Variants in DOCK1 observed in about 807,000 individuals in gnomAD.
The protein encoded by DOCK1 is dedicator of cytokinesis protein 1.
Under a neutral mutation model 262.7 loss-of-function variants are expected in DOCK1, and 138 were observed. The observed-to-expected ratio is 0.53, with a 90% confidence interval of 0.46 to 0.61. The LOEUF (loss-of-function observed/expected upper bound fraction) is 0.61. Ranked by LOEUF, DOCK1 falls within the 20% of genes least tolerant of loss-of-function variation. The pLI, the probability that DOCK1 is intolerant of heterozygous loss-of-function variation, is 0.00. For synonymous variants in DOCK1, 866 were observed against 867.4 expected (o/e 1.00, Z 0.03); for missense variants, 1,908 against 2,370.7 (o/e 0.80, Z 4.05).
At chr10:126,944,732 C>T (rs1051336639) in intron 1 of DOCK1, among the ~76,000 whole-genome samples, 7 of 151,858 alleles carry the variant, frequency 4.6e-5, no homozygotes, top group South Asian at 2.1e-4. Context: ...TGGGCAATGT[C>T]GCCACAGAGA....
At chr10:126,961,046 C>T (rs1046680531) in intron 1 of DOCK1, among the ~76,000 whole-genome samples, 3 of 152,004 alleles carry the variant, frequency 2.0e-5, no homozygotes, top group Non-Finnish European at 4.4e-5. Context: ...ACCATCCCTC[C>T]CACCTGTTTC....
At chr10:127,068,372 G>A (rs907296891) in intron 23 of DOCK1, among the ~76,000 whole-genome samples, 1 of 152,176 alleles carries the variant, frequency 6.6e-6, no homozygotes, top group Non-Finnish European at 1.5e-5. Context: ...AAGATCAGAT[G>A]GAATAGGATT....
At chr10:127,200,611 C>G (rs1036018583) in intron 27 of DOCK1, among the ~76,000 whole-genome samples, 44 of 152,090 alleles carry the variant, frequency 2.9e-4, no homozygotes, top group African/African-American at 1.1e-3. Flanking sequence ...ACCATGTTGC[C>G]CAGGCTGGTC....
chr10:127,389,110 C>T (rs982174403), intron 38 of DOCK1, among the ~76,000 whole-genome samples: 13 of 152,192 alleles, frequency 8.5e-5, no homozygotes, highest in African/African-American at 3.1e-4. Context: ...AGGCAGAACC[C>T]TGCAGGAGAA....
At chr10:127,400,608 A>G (rs928101923) in intron 38 of DOCK1, among the ~76,000 whole-genome samples, 2 of 152,274 alleles carry the variant, frequency 1.3e-5, no homozygotes, top group Non-Finnish European at 2.9e-5. Flanking sequence ...CCTTATCTGC[A>G]AAATGGGTAT....
At position 127,248,031 on chromosome 10, in the gene DOCK1, A is replaced by G. The variant is rs534906215; in HGVS notation, c.2871A>G (p.Thr957=). 1 of 1,613,958 alleles carries G rather than the reference A, an allele frequency of 6.2e-7. No homozygotes were observed. The highest frequency in any genetic ancestry group is 2.2e-5 in the East Asian group (1 of 44,872). Residue 957 remains threonine (T), a synonymous_variant, in exon 28 of 52, where the codon ACA becomes ACG. Coordinates refer to ENST00000623213, the MANE Select transcript of DOCK1 (RefSeq NM_001290223.2). ...ELIGNFVACM[T]AILRQMEDYH... ...AGGGAAACTTCGTGGCTTGCATGAC[A>G]GCTATTTTACGACAAATGGAAGATT...
rs575299925 is a variant in DOCK1, at chr10:127,294,455, G to A, written c.3044+37026G>A. On this transcript the variant is annotated intron_variant, in intron 29 of 51. Transcript: ENST00000623213. ...TTCTGCCTCAGCCTCCCCACTAGCT[G>A]GGATTACAGGCACTCGTCACCACGC... Among the ~76,000 whole-genome samples the A allele has an allele frequency of 3.3e-5, 5 of 152,044 alleles. No individual in the cohort carries two copies. In the South Asian group the frequency reaches 8.3e-4, roughly 25 times the overall value.
intron 27 of DOCK1, among the ~76,000 whole-genome samples, chr10:127,236,766 T>A (rs2059081778): frequency 6.6e-6 from 1 of 152,068 alleles, no homozygotes; most frequent in Non-Finnish European, 1.5e-5. Flanking sequence ...TATGGTTTTG[T>A]GTTTTATTCT....
intron 23 of DOCK1, among the ~76,000 whole-genome samples, chr10:127,075,015 C>T (rs1207151404): frequency 4.6e-5 from 7 of 151,526 alleles, no homozygotes; most frequent in Admixed American, 6.6e-5. Context: ...ACTAAAAATA[C>T]GGAATTAGCT....
chr10:127,404,255 G>T, intron 39 of DOCK1, 70 bp from the exon 40 acceptor site: 5 of 1,360,932 alleles, frequency 3.7e-6, no homozygotes, highest in Non-Finnish European at 3.1e-6. Flanking sequence ...TAAAGAGCCC[G>T]CAAGAAGAAT....
intron 29 of DOCK1, among the ~76,000 whole-genome samples, chr10:127,285,434 C>T (rs1246192336): frequency 6.6e-6 from 1 of 152,238 alleles, no homozygotes; most frequent in African/African-American, 2.4e-5. Flanking sequence ...GGCTCATCCT[C>T]CATAAATGGC....
chr10:127,207,993 A>G (rs904008815), intron 27 of DOCK1, among the ~76,000 whole-genome samples: 83 of 152,188 alleles, frequency 5.5e-4, no homozygotes, highest in Admixed American at 5.4e-3. Flanking sequence ...TGCTTCTTAC[A>G]TACGCTAGAT....
chr10:127,056,597 T>G (rs1172666050), intron 22 of DOCK1, among the ~76,000 whole-genome samples: 1 of 152,136 alleles, frequency 6.6e-6, no homozygotes, highest in Non-Finnish European at 1.5e-5. Context: ...CTTTCCTCTC[T>G]CCTTCCCTCC....
intron 13 of DOCK1, among the ~76,000 whole-genome samples, chr10:127,022,334 T>C (rs1564739186): frequency 6.6e-6 from 1 of 152,128 alleles, no homozygotes; most frequent in Non-Finnish European, 1.5e-5. Context: ...TCTTTATTTT[T>C]ATTTTATTTT....
chr10:127,020,457 C>T (rs1219578853), intron 13 of DOCK1, among the ~76,000 whole-genome samples: 3 of 151,580 alleles, frequency 2.0e-5, no homozygotes, highest in Non-Finnish European at 4.4e-5. Context: ...GTAGCAGGTA[C>T]TAGGGAGGCT....
intron 14 of DOCK1, among the ~76,000 whole-genome samples, chr10:127,023,675 T>C (rs1447143566): frequency 6.6e-6 from 1 of 151,164 alleles, no homozygotes; most frequent in Non-Finnish European, 1.5e-5. Flanking sequence ...TGACCTCAAA[T>C]AATCCGCCCG....
At chr10:127,226,911 C>T (rs1053758443) in intron 27 of DOCK1, among the ~76,000 whole-genome samples, 20 of 152,154 alleles carry the variant, frequency 1.3e-4, no homozygotes, top group African/African-American at 4.8e-4. Context: ...ACCCAAGTCA[C>T]CCCGTCATGG....
chr10:127,128,998 C>T (rs1326341355), intron 27 of DOCK1, among the ~76,000 whole-genome samples: 1 of 152,172 alleles, frequency 6.6e-6, no homozygotes, highest in East Asian at 1.9e-4. Context: ...CACCCTGGTC[C>T]TTCCTGGTGC....
chr10:126,990,342 C>G (rs977131888), intron 5 of DOCK1, 113 bp from the exon 6 acceptor site: 1 of 1,064,392 alleles, frequency 9.4e-7, no homozygotes, highest in Admixed American at 3.2e-5. Context: ...TTAACTAAAT[C>G]TCATGATCTA....
Sources: gnomAD v4.1 joint callset for allele counts (sites outside exome capture counted in the v4.1 genomes callset) on GRCh38, gnomAD v4.1.1 for gene constraint, MANE v1.5 for transcripts, NCBI Gene and HGNC (gene_info 2026-07-23, HGNC 2026-07-21) for gene names.